The following CPNE5 variants were observed in gnomAD, a reference collection of about 807,000 sequenced individuals.
CPNE5 encodes the protein copine-5.
CPNE5 carries 42 observed loss-of-function variants against 81.1 expected under a neutral mutation model. That is an observed-to-expected ratio of 0.52 (90% CI 0.40 to 0.67). CPNE5 has a LOEUF of 0.67. Ranked by LOEUF, CPNE5 falls within the 30% of genes least tolerant of loss-of-function variation. CPNE5 has a pLI of 0.00. For synonymous variants in CPNE5, 313 were observed against 321.5 expected, an observed-to-expected ratio of 0.97 and a Z score of 0.28; for missense variants, 612 against 815.5, an observed-to-expected ratio of 0.75 and a Z score of 3.04.
chr6:36,764,329 C>A (rs1296509310), intron 11 of CPNE5, among the ~76,000 whole-genome samples: 8 of 151,928 alleles, frequency 5.3e-5, no homozygotes, highest in Non-Finnish European at 8.8e-5. Flanking sequence ...GAGGGCATAG[C>A]GGCTCTGGAG....
At chr6:36,818,618 A>T (rs768358713) in intron 3 of CPNE5, among the ~76,000 whole-genome samples, 4 of 152,168 alleles carry the variant, frequency 2.6e-5, no homozygotes, top group Admixed American at 6.5e-5. Context: ...ATAAGGTAGG[A>T]TTTACCCTCA....
chr6:36,784,335 G>A (rs953637306), intron 8 of CPNE5, among the ~76,000 whole-genome samples: 16 of 152,192 alleles, frequency 1.1e-4, no homozygotes, highest in African/African-American at 1.4e-4. Flanking sequence ...AGACTGAAAC[G>A]AAGGCAAGCT....
At chr6:36,799,514 G>A (rs954302839) in intron 4 of CPNE5, among the ~76,000 whole-genome samples, 11 of 152,126 alleles carry the variant, frequency 7.2e-5, no homozygotes, top group Admixed American at 4.6e-4. Context: ...ATGTTCCGAC[G>A]GATGCTGGAT....
intron 8 of CPNE5, among the ~76,000 whole-genome samples, chr6:36,780,009 G>T (rs1176505073): frequency 6.6e-6 from 1 of 150,472 alleles, no homozygotes; most frequent in Non-Finnish European, 1.5e-5. Flanking sequence ...TCTGTTGCCA[G>T]GCTGGAGTGC....
intron 3 of CPNE5, among the ~76,000 whole-genome samples, chr6:36,817,961 CA>C (rs1771696648): frequency 6.6e-6 from 1 of 152,152 alleles, no homozygotes; most frequent in African/African-American, 2.4e-5. Flanking sequence ...GAACCCCATC[CA>C]CCCCTTTATT....
intron 11 of CPNE5, among the ~76,000 whole-genome samples, chr6:36,764,747 TGA>T (rs1374447089): frequency 3.9e-5 from 6 of 152,090 alleles, no homozygotes; most frequent in African/African-American, 1.4e-4. Flanking sequence ...TCACGGCCCA[TGA>T]GTCCACTCAC....
At chr6:36,820,824 C>T (rs1037503627) in intron 3 of CPNE5, among the ~76,000 whole-genome samples, 17 of 151,898 alleles carry the variant, frequency 1.1e-4, no homozygotes, top group African/African-American at 3.6e-4. Flanking sequence ...TGGCATGTGC[C>T]TGCAGTCCTA....
At chr6:36,828,586 TG>T in intron 1 of CPNE5, among the ~76,000 whole-genome samples, 1 of 152,308 alleles carries the variant, frequency 6.6e-6, no homozygotes, top group South Asian at 2.1e-4. Context: ...AACATTTTCC[TG>T]GGGCAGGACC....
intron 2 of CPNE5, 87 bp from the exon 3 acceptor site, chr6:36,822,247 C>A (rs539363648): frequency 6.0e-5 from 71 of 1,189,964 alleles, no homozygotes; most frequent in Admixed American, 1.1e-4. Context: ...GCTGGGCAGG[C>A]GCCTCAGCAG....
At chr6:36,771,684 G>A (rs1036773420) in intron 10 of CPNE5, among the ~76,000 whole-genome samples, 1 of 152,116 alleles carries the variant, frequency 6.6e-6, no homozygotes, top group East Asian at 1.9e-4. Context: ...AATCAACTAC[G>A]TTCTGTGAGG....
At chr6:36,817,563 T>C (rs1271194691) in intron 3 of CPNE5, among the ~76,000 whole-genome samples, 1 of 152,164 alleles carries the variant, frequency 6.6e-6, no homozygotes, top group Non-Finnish European at 1.5e-5. Flanking sequence ...TCCTGTATCT[T>C]GCCAGCCTCA....
intron 10 of CPNE5, among the ~76,000 whole-genome samples, 164 bp from the exon 11 acceptor site, chr6:36,765,540 T>C (rs1766486020): frequency 6.6e-6 from 1 of 151,654 alleles, no homozygotes; most frequent in East Asian, 2.0e-4. Flanking sequence ...GGATCTCTCT[T>C]GAGGCCTTTT....
chr6:36,784,054 GTTAAAA>G (rs1768294608), intron 8 of CPNE5, among the ~76,000 whole-genome samples: 1 of 152,154 alleles, frequency 6.6e-6, no homozygotes, highest in Non-Finnish European at 1.5e-5. Context: ...GTGCAAACCA[GTTAAAA>G]TTAAAAACAA....
chr6:36,826,809 T>C (rs1044272121), intron 1 of CPNE5, among the ~76,000 whole-genome samples: 11 of 152,168 alleles, frequency 7.2e-5, no homozygotes, highest in Non-Finnish European at 1.3e-4. Flanking sequence ...AGCTGTGGCA[T>C]GTAGTAGTTA....
At chr6:36,764,584 C>T (rs1021246534) in intron 11 of CPNE5, among the ~76,000 whole-genome samples, 2 of 152,058 alleles carry the variant, frequency 1.3e-5, no homozygotes, top group East Asian at 1.9e-4. Flanking sequence ...TTGGCTCAGC[C>T]GACAAGTAGA....
chr6:36,756,150 GCA>G, intron 13 of CPNE5, 93 bp downstream of exon 13: 1 of 885,748 alleles, frequency 1.1e-6, no homozygotes, highest in South Asian at 1.5e-5. Flanking sequence ...CTCAGCCCCT[GCA>G]CACACACAGA....
At chr6:36,829,586 G>T (rs1772803474) in intron 1 of CPNE5, among the ~76,000 whole-genome samples, 1 of 152,106 alleles carries the variant, frequency 6.6e-6, no homozygotes, top group Non-Finnish European at 1.5e-5. Flanking sequence ...GCCAAGGTGG[G>T]TGGATCACTT....
intron 6 of CPNE5, among the ~76,000 whole-genome samples, chr6:36,797,836 C>T (rs769433885): frequency 6.6e-6 from 1 of 152,134 alleles, no homozygotes; most frequent in Non-Finnish European, 1.5e-5. Flanking sequence ...AGCTGTGTGT[C>T]CTTGGGCAAG....
At chr6:36,821,915 G>A (rs1454597566) in intron 3 of CPNE5, among the ~76,000 whole-genome samples, 199 bp downstream of exon 3, 2 of 152,324 alleles carry the variant, frequency 1.3e-5, no homozygotes, top group East Asian at 3.9e-4. Context: ...CTGCCTGAGG[G>A]CAGGAACCAT....
Sources: gnomAD v4.1 joint callset for allele counts (sites outside exome capture counted in the v4.1 genomes callset) on GRCh38, gnomAD v4.1.1 for gene constraint, MANE v1.5 for transcripts, NCBI Gene and HGNC (gene_info 2026-07-23, HGNC 2026-07-21) for gene names.